Variants in PPP2R2A observed in about 807,000 individuals in gnomAD.
PPP2R2A encodes the protein serine/threonine-protein phosphatase 2A 55 kDa regulatory subunit B alpha isoform.
A neutral mutation model predicts 53.2 loss-of-function variants in PPP2R2A; 9 were observed. That is an observed-to-expected ratio of 0.17 (90% confidence interval 0.10 to 0.30). The LOEUF (loss-of-function observed/expected upper bound fraction) is 0.30, where lower values mean the gene tolerates loss of function less well. PPP2R2A is among the 10% of genes least tolerant of loss of function. The pLI, the probability that PPP2R2A is intolerant of heterozygous loss-of-function variation, is 1.00. For synonymous variants in PPP2R2A, 169 were observed against 174.2 expected (o/e 0.97, Z 0.23); for missense variants, 235 against 534.6 (o/e 0.44, Z 5.53).
chr8:26,360,047 A>T lies in PPP2R2A; in HGVS notation c.347-122A>T. 1.9e-6 allele frequency: 1 copy of T among 533,086 alleles called. No individual in the cohort carries two copies. The allele number at this position is 533,086 out of a possible 1,614,324, so 33.0% of individuals were successfully genotyped here. ...ATAGGAAATTTTTTAGTAAGTTCAG[A>T]TTAGGGTTTTTTTTTTTTTCGTGGA... On this transcript the variant is annotated intron_variant, in intron 4 of 9. Coordinates refer to ENST00000380737, the MANE Select transcript of PPP2R2A (RefSeq NM_002717.4). The surrounding 1 kb of genome is among the most constrained non-coding windows in gnomAD (Gnocchi z 4.5).
At chr8:26,323,698 C>A (rs1433664904) in intron 2 of PPP2R2A, among the ~76,000 whole-genome samples, 1 of 152,190 alleles carries the variant, frequency 6.6e-6, no homozygotes, top group Non-Finnish European at 1.5e-5. Context: ...GCAGGAGCTT[C>A]TATCCCCGTG....
At chr8:26,352,881 G>C (rs1276658596) in intron 3 of PPP2R2A, among the ~76,000 whole-genome samples, 3 of 152,094 alleles carry the variant, frequency 2.0e-5, no homozygotes, top group Non-Finnish European at 2.9e-5. Flanking sequence ...TTTCTACTTT[G>C]ACTAAAGTTT....
At chr8:26,357,269 G>T (rs558754697) in intron 4 of PPP2R2A, among the ~76,000 whole-genome samples, 4 of 139,234 alleles carry the variant, frequency 2.9e-5, no homozygotes, top group Non-Finnish European at 6.1e-5. Flanking sequence ...AGTTTTTTCT[G>T]TGAGCATAGT....
At chr8:26,333,302 A>G (rs530611842) in intron 2 of PPP2R2A, among the ~76,000 whole-genome samples, 3 of 152,046 alleles carry the variant, frequency 2.0e-5, no homozygotes, top group Admixed American at 6.5e-5. Context: ...TAGTTTTCCA[A>G]CCTGTGACTA....
intron 2 of PPP2R2A, among the ~76,000 whole-genome samples, chr8:26,304,750 A>G (rs542942607): frequency 1.6e-4 from 25 of 152,308 alleles, no homozygotes; most frequent in African/African-American, 6.0e-4. Context: ...TTCTGACCAA[A>G]TTTCTTATCA....
At chr8:26,344,228 A>G (rs1563312160) in intron 3 of PPP2R2A, among the ~76,000 whole-genome samples, 1 of 152,216 alleles carries the variant, frequency 6.6e-6, no homozygotes, top group African/African-American at 2.4e-5. Context: ...ACAAAGATGT[A>G]TGTATGTTTA....
At chr8:26,327,564 C>G (rs1484214488) in intron 2 of PPP2R2A, among the ~76,000 whole-genome samples, 1 of 152,170 alleles carries the variant, frequency 6.6e-6, no homozygotes, top group East Asian at 1.9e-4. Flanking sequence ...ATGTCCTGCC[C>G]TTTGGGAAAA....
chr8:26,324,209 A>AGAG (rs1802977992), intron 2 of PPP2R2A, among the ~76,000 whole-genome samples: 1 of 152,230 alleles, frequency 6.6e-6, no homozygotes. Flanking sequence ...TCACCACCTC[A>AGAG]GAGAGGCTTT....
At chr8:26,291,969 GT>G in intron 1 of PPP2R2A, 143 bp downstream of exon 1, 1 of 1,219,222 alleles carries the variant, frequency 8.2e-7, no homozygotes, top group East Asian at 3.3e-5. Context: ...GAGGGGTGGG[GT>G]GGGGGCGGGG....
At chr8:26,296,900 G>T (rs1801566523) in intron 2 of PPP2R2A, among the ~76,000 whole-genome samples, 1 of 152,152 alleles carries the variant, frequency 6.6e-6, no homozygotes. Flanking sequence ...CCAGATTGAT[G>T]TTATACAACC....
chr8:26,349,174 C>T lies in PPP2R2A; in HGVS notation c.181-5294C>T, dbSNP rs868447578. On this transcript the variant is annotated intron_variant, in intron 3 of 9. Transcript: ENST00000380737. ...GTCACTAAAACAATGGTCATTATCA[C>T]ATTTTTAATTTTTTGTTCATTTAAG... 5.3e-5 allele frequency among the ~76,000 whole-genome samples: 8 copies of T among 152,244 alleles called. No homozygotes were observed. The Middle Eastern group carries it at 0.014, about 259-fold the overall frequency.
intron 3 of PPP2R2A, among the ~76,000 whole-genome samples, chr8:26,349,249 T>C (rs182519603): frequency 6.6e-6 from 1 of 152,182 alleles, no homozygotes. Context: ...TGTGTGTGTT[T>C]TGTTGGGGAT....
At chr8:26,334,282 G>T (rs931635055) in intron 2 of PPP2R2A, among the ~76,000 whole-genome samples, 11 of 152,134 alleles carry the variant, frequency 7.2e-5, no homozygotes, top group Non-Finnish European at 1.5e-4. Context: ...TTTTGGTGGT[G>T]GTGGTTTGTG....
rs1362271633 is a variant in PPP2R2A, at chr8:26,362,662, T to C, written c.638-22T>C. The C allele has an allele frequency of 1.2e-6, 2 of 1,606,546 alleles. No individual in the cohort carries two copies. Among genetic ancestry groups the C allele is most frequent in the Non-Finnish European group, 1.7e-6 (2 of 1,175,006 alleles). ...TTTGCCCTTTTTTCTAAGTGGAAATTCCTTAATAAAATGTTATCTAGACAT... is the reference window on the plus strand; with the variant it reads ...TTTGCCCTTTTTTCTAAGTGGAAATCCCTTAATAAAATGTTATCTAGACAT... On this transcript the variant is annotated intron_variant, in intron 6 of 9. Coordinates refer to ENST00000380737, the MANE Select transcript of PPP2R2A (RefSeq NM_002717.4). This position sits in a 1 kb window ranked among gnomAD's most constrained non-coding sequence, Gnocchi z 4.4.
intron 3 of PPP2R2A, among the ~76,000 whole-genome samples, chr8:26,345,119 C>G (rs1804144968): frequency 6.6e-6 from 1 of 151,968 alleles, no homozygotes; most frequent in Non-Finnish European, 1.5e-5. Flanking sequence ...TAAAAAGTTT[C>G]AAATTGTGGA....
At chr8:26,353,291 C>T (rs751581250) in intron 3 of PPP2R2A, among the ~76,000 whole-genome samples, 52 of 152,086 alleles carry the variant, frequency 3.4e-4, no homozygotes, top group Non-Finnish European at 6.2e-4. Context: ...GGCAGACTTG[C>T]CCTCTAATAA....
At chr8:26,319,341 G>T (rs1272216161) in intron 2 of PPP2R2A, among the ~76,000 whole-genome samples, 1 of 152,094 alleles carries the variant, frequency 6.6e-6, no homozygotes, top group African/African-American at 2.4e-5. Context: ...TGCAGCTAGT[G>T]TATCATATAG....
intron 2 of PPP2R2A, among the ~76,000 whole-genome samples, chr8:26,294,620 G>A (rs1330674871): frequency 2.0e-5 from 3 of 152,134 alleles, no homozygotes; most frequent in African/African-American, 7.2e-5. Flanking sequence ...ACATGTACTT[G>A]TGAGTTTTAA....
chr8:26,306,305 G>A (rs1000137222), intron 2 of PPP2R2A, among the ~76,000 whole-genome samples: 6 of 150,224 alleles, frequency 4.0e-5, no homozygotes, highest in Non-Finnish European at 7.4e-5. Context: ...GTGAAACACC[G>A]TCTCTACTAA....
Sources: allele counts gnomAD v4.1 joint callset (sites outside exome capture counted in the v4.1 genomes callset), GRCh38; gene constraint gnomAD v4.1.1; non-coding constraint Gnocchi (gnomAD v3.1); transcripts MANE v1.5; gene names NCBI Gene and HGNC (gene_info 2026-07-23, HGNC 2026-07-21).